HS6ST3: variants seen among roughly 807,000 people sequenced by gnomAD.
The protein encoded by HS6ST3 is heparan sulfate 6-O-sulfotransferase 3, also known as heparan-sulfate 6-O-sulfotransferase 3.
Under a neutral mutation model 36.7 loss-of-function variants are expected in HS6ST3, and 12 were observed. The ratio of observed to expected loss-of-function variants is 0.33; its 90% confidence interval spans 0.21 to 0.53. The LOEUF is 0.53. HS6ST3 is among the 20% of genes least tolerant of loss of function. The pLI is 0.95. For missense variants in HS6ST3, 584 were observed against 640.9 expected (o/e 0.91, Z 0.96); for synonymous variants, 240 against 257.5 (o/e 0.93, Z 0.65).
intron 1 of HS6ST3, among the ~76,000 whole-genome samples, chr13:96,679,156 A>G (rs559422075): frequency 1.4e-4 from 21 of 149,578 alleles, no homozygotes; most frequent in African/African-American, 5.2e-4. Flanking sequence ...TATGCTTCTT[A>G]TTTCAGTTCC....
At chr13:96,638,089 A>C (rs1327137419) in intron 1 of HS6ST3, among the ~76,000 whole-genome samples, 1 of 152,076 alleles carries the variant, frequency 6.6e-6, no homozygotes, top group Non-Finnish European at 1.5e-5. Flanking sequence ...GACAGAGAGG[A>C]TTCCTACTAC....
rs1555323691 is a variant in HS6ST3, at chr13:96,769,773, T to TGTGC, written c.708-62716_708-62715insTGCG. Among the ~76,000 whole-genome samples the TGTGC allele has an allele frequency of 4.7e-3, 665 of 142,274 alleles. 13 individuals are homozygous for TGTGC. Among genetic ancestry groups the TGTGC allele is most frequent in the Middle Eastern group, 0.018 (5 of 272 alleles). The allele number at this position is 142,274 out of a possible 152,430, so 93.3% of individuals were successfully genotyped here. On this transcript the variant is annotated intron_variant, in intron 1 of 1. Coordinates refer to ENST00000376705, the MANE Select transcript of HS6ST3 (RefSeq NM_153456.4). ...GTGTGTGTGTGTGTGTGTGTGTGTG[T>TGTGC]GCGCACATATGTATTCTAGTTTTGC...
At chr13:96,458,409 T>C (rs998718438) in intron 1 of HS6ST3, among the ~76,000 whole-genome samples, 1 of 152,198 alleles carries the variant, frequency 6.6e-6, no homozygotes, top group Non-Finnish European at 1.5e-5. Context: ...GAGAAGTTTT[T>C]CTTAGATATT....
intron 1 of HS6ST3, among the ~76,000 whole-genome samples, chr13:96,570,673 G>A (rs2056297799): frequency 6.6e-6 from 1 of 152,242 alleles, no homozygotes; most frequent in South Asian, 2.1e-4. Context: ...TGGGGGGCAA[G>A]ATGTGGAAAG....
rs1877337699 is a variant in HS6ST3, at chr13:96,774,202, A to G, written c.708-58288A>G. ...CACCAACATCAAAGACCAAAGGTAGATAAATCCATGAAGATGAGGAAAAAC... is the reference window on the plus strand; with the variant it reads ...CACCAACATCAAAGACCAAAGGTAGGTAAATCCATGAAGATGAGGAAAAAC... On this transcript the variant is annotated intron_variant, in intron 1 of 1. Coordinates refer to ENST00000376705, the MANE Select transcript of HS6ST3 (RefSeq NM_153456.4). 2.0e-5 allele frequency among the ~76,000 whole-genome samples: 3 copies of G among 152,244 alleles called. No homozygotes were observed. In the South Asian group the frequency reaches 6.2e-4, roughly 31 times the overall value.
intron 1 of HS6ST3, among the ~76,000 whole-genome samples, chr13:96,489,493 T>G (rs2055934139): frequency 6.6e-6 from 1 of 152,078 alleles, no homozygotes; most frequent in African/African-American, 2.4e-5. Flanking sequence ...AATTTTATGC[T>G]TAGAGTAACT....
chr13:96,490,545 A>G (rs944655612), intron 1 of HS6ST3, among the ~76,000 whole-genome samples: 5 of 152,226 alleles, frequency 3.3e-5, no homozygotes, highest in Admixed American at 6.5e-5. Context: ...CTAAAAGTTC[A>G]TTTAAAATAT....
intron 1 of HS6ST3, among the ~76,000 whole-genome samples, chr13:96,765,595 TC>T (rs1877091468): frequency 1.7e-5 from 1 of 58,964 alleles, no homozygotes; most frequent in African/African-American, 9.8e-5. Context: ...TCTTTCTCTC[TC>T]TCTCTCTCTC....
At chr13:96,792,039 C>T (rs760088318) in intron 1 of HS6ST3, among the ~76,000 whole-genome samples, 3 of 151,810 alleles carry the variant, frequency 2.0e-5, no homozygotes, top group Admixed American at 6.6e-5. Context: ...TACATATATA[C>T]GTGAGTGTAT....
At chr13:96,730,648 G>A (rs545676776) in intron 1 of HS6ST3, among the ~76,000 whole-genome samples, 1 of 152,230 alleles carries the variant, frequency 6.6e-6, no homozygotes, top group East Asian at 1.9e-4. Context: ...GCTCCCTGCA[G>A]CCTTGACCTC....
intron 1 of HS6ST3, among the ~76,000 whole-genome samples, chr13:96,400,866 C>T (rs1166315949): frequency 1.3e-5 from 2 of 152,034 alleles, no homozygotes; most frequent in East Asian, 1.9e-4. Flanking sequence ...TCTTTTCCTC[C>T]CCTGAAGAGT....
chr13:96,471,851 C>T (rs2055841571), intron 1 of HS6ST3, among the ~76,000 whole-genome samples: 1 of 152,168 alleles, frequency 6.6e-6, no homozygotes, highest in Non-Finnish European at 1.5e-5. Context: ...TACTCCAGAT[C>T]TCAGGGACTT....
chr13:96,828,707 C>A (rs1207240179), intron 1 of HS6ST3, among the ~76,000 whole-genome samples: 2 of 152,176 alleles, frequency 1.3e-5, no homozygotes, highest in African/African-American at 4.8e-5. Context: ...CCATGCCTGG[C>A]ACTTCACAAG....
intron 1 of HS6ST3, among the ~76,000 whole-genome samples, chr13:96,623,270 T>C (rs1216269370): frequency 6.6e-6 from 1 of 152,170 alleles, no homozygotes; most frequent in Non-Finnish European, 1.5e-5. Flanking sequence ...TGTAAGTATA[T>C]ATTCTCGAGG....
At chr13:96,431,581 G>T (rs1178990173) in intron 1 of HS6ST3, among the ~76,000 whole-genome samples, 2 of 152,192 alleles carry the variant, frequency 1.3e-5, no homozygotes, top group Admixed American at 1.3e-4. Context: ...AATGCCATGT[G>T]TTAGACTTCT....
At chr13:96,615,693 T>A (rs890971333) in intron 1 of HS6ST3, among the ~76,000 whole-genome samples, 1 of 152,232 alleles carries the variant, frequency 6.6e-6, no homozygotes, top group Non-Finnish European at 1.5e-5. Context: ...TAGAAGAATC[T>A]GTTAAAAGGT....
In HS6ST3 at chr13:96,099,161, C is replaced by T. The variant is rs192644096; in HGVS notation, c.707+7592C>T. 1.5e-3 allele frequency among the ~76,000 whole-genome samples: 227 copies of T among 152,264 alleles called. 2 individuals carry two copies. The highest frequency in any genetic ancestry group is 0.012 in the South Asian group (57 of 4,812). ...GTTTTACTATGTTGGCCAGGCTGGT[C>T]TTGACCTCCTGACCTCAGGTGATCT... On this transcript the variant is annotated intron_variant, in intron 1 of 1. Transcript: ENST00000376705.
At chr13:96,272,113 T>C (rs1328593891) in intron 1 of HS6ST3, among the ~76,000 whole-genome samples, 1 of 152,034 alleles carries the variant, frequency 6.6e-6, no homozygotes, top group Non-Finnish European at 1.5e-5. Flanking sequence ...AAGATTTTTT[T>C]GGGCATCTCA....
intron 1 of HS6ST3, among the ~76,000 whole-genome samples, chr13:96,622,640 C>T (rs1045536110): frequency 6.6e-6 from 1 of 152,154 alleles, no homozygotes; most frequent in African/African-American, 2.4e-5. Context: ...TCTGTCTCTT[C>T]CCATGGCTTT....
Sources: gnomAD v4.1 joint callset for allele counts (sites outside exome capture counted in the v4.1 genomes callset) on GRCh38, gnomAD v4.1.1 for gene constraint, MANE v1.5 for transcripts, NCBI Gene and HGNC (gene_info 2026-07-23, HGNC 2026-07-21) for gene names.